Variants in RAB30 observed in about 807,000 individuals in gnomAD.
RAB30 encodes ras-related protein Rab-30.
Under a neutral mutation model 25.1 loss-of-function variants are expected in RAB30, and 9 were observed. That is an observed-to-expected ratio of 0.36 (90% CI 0.22 to 0.63). The LOEUF (loss-of-function observed/expected upper bound fraction) is 0.63, where lower values mean the gene tolerates loss of function less well. Among genes scored for constraint, RAB30 ranks in the 20% least tolerant of loss-of-function variants. The pLI is 0.69. For missense variants in RAB30, 140 were observed against 243.5 expected (o/e 0.58, Z 2.83); for synonymous variants, 77 against 86.4 (o/e 0.89, Z 0.60).
At chr11:83,007,361 A>C (rs895642440) in intron 1 of RAB30, among the ~76,000 whole-genome samples, 3 of 152,220 alleles carry the variant, frequency 2.0e-5, no homozygotes, top group African/African-American at 7.2e-5. Flanking sequence ...TAAAAATGAA[A>C]ATGAAAAATA....
At chr11:83,001,281 T>C (rs1205064969) in intron 1 of RAB30, among the ~76,000 whole-genome samples, 1 of 152,166 alleles carries the variant, frequency 6.6e-6, no homozygotes. Flanking sequence ...GATCAAGTGA[T>C]CCTCCTGCCT....
chr11:83,058,100 A>T (rs1858493231), intron 1 of RAB30, among the ~76,000 whole-genome samples: 1 of 152,218 alleles, frequency 6.6e-6, no homozygotes, highest in African/African-American at 2.4e-5. Flanking sequence ...AGCTTCAAGA[A>T]AACTACTAAT....
rs531745208 is a variant in RAB30, at chr11:83,063,683, G to A, written c.-9+8008C>T. ...AAGAGTTCAGCCCAAGTGGCTAATG[G>A]ACTTGGCAAAGGTATGTAGAGTTAG... is the stretch of plus-strand genomic sequence containing the variant. On this transcript the variant is annotated intron_variant, in intron 1 of 4. Coordinates refer to ENST00000527633, the MANE Select transcript of RAB30 (RefSeq NM_001286060.2). Among the ~76,000 whole-genome samples, 18 of 152,270 alleles carry A rather than the reference G, an allele frequency of 1.2e-4. 2 individuals are homozygous for A. The South Asian group carries it at 3.3e-3, about 28-fold the overall frequency.
intron 1 of RAB30, among the ~76,000 whole-genome samples, chr11:83,042,996 C>T (rs753453977): frequency 1.1e-4 from 16 of 152,116 alleles, no homozygotes; most frequent in African/African-American, 2.7e-4. Context: ...TTATTATTAA[C>T]GGTATTTGGA....
chr11:83,044,506 A>G (rs778382664), intron 1 of RAB30, among the ~76,000 whole-genome samples: 2 of 152,208 alleles, frequency 1.3e-5, no homozygotes, highest in Admixed American at 6.5e-5. Context: ...ACAGTAATCC[A>G]GGTAGGAAGA....
At chr11:83,051,292 G>T (rs1196731925) in intron 1 of RAB30, among the ~76,000 whole-genome samples, 2 of 152,168 alleles carry the variant, frequency 1.3e-5, no homozygotes, top group African/African-American at 2.4e-5. Flanking sequence ...GTACACACAA[G>T]AAATAAACTT....
chr11:83,005,802 C>A (rs1857172201), intron 1 of RAB30, among the ~76,000 whole-genome samples: 2 of 151,750 alleles, frequency 1.3e-5, no homozygotes, highest in African/African-American at 4.8e-5. Flanking sequence ...GAACTGACTG[C>A]AATATATATT....
Position 82,997,248 on chromosome 11 carries a change from C to A in RAB30, c.69G>T (p.Thr23=). The A allele has an allele frequency of 6.2e-7, 1 of 1,612,016 alleles. No homozygotes were observed. The highest frequency in any genetic ancestry group is 1.3e-5 in the African/African-American group (1 of 74,964). Residue 23 remains threonine (T), a synonymous_variant, in exon 2 of 5, where the codon ACG becomes ACT. Transcript: ENST00000527633. The part of the protein sequence containing the change: ...VLIGNAGVGK[T]CLVRRFTQGL... ...CCTGAGTGAATCTTCGGACGAGGCA[C>A]GTCTTCCCCACACCAGCGTTGCCAA...
chr11:83,041,585 T>A (rs1201184780), intron 1 of RAB30: 1 of 158,602 alleles, frequency 6.3e-6, no homozygotes, highest in East Asian at 1.8e-4. Flanking sequence ...CTAGGTCGGC[T>A]TAATTGGTTG....
chr11:82,993,418 T>C (rs974727928), intron 3 of RAB30, among the ~76,000 whole-genome samples: 1 of 152,154 alleles, frequency 6.6e-6, no homozygotes, highest in Non-Finnish European at 1.5e-5. Context: ...AAATATAACA[T>C]ATGTAAAAGC....
At chr11:83,057,040 T>C (rs907988583) in intron 1 of RAB30, among the ~76,000 whole-genome samples, 5 of 152,190 alleles carry the variant, frequency 3.3e-5, no homozygotes, top group South Asian at 4.1e-4. Flanking sequence ...ATTTGTATCA[T>C]TGAATTTGGA....
At chr11:83,022,092 AAT>A (rs1857592276) in intron 1 of RAB30, among the ~76,000 whole-genome samples, 2 of 152,050 alleles carry the variant, frequency 1.3e-5, no homozygotes, top group African/African-American at 4.8e-5. Context: ...GTGTTTCCTA[AAT>A]GCTGGTACCA....
chr11:83,003,963 G>A (rs1857138382), intron 1 of RAB30, among the ~76,000 whole-genome samples: 1 of 152,158 alleles, frequency 6.6e-6, no homozygotes, highest in African/African-American at 2.4e-5. Flanking sequence ...GTAGAGGATA[G>A]CTTCACAGTA....
chr11:83,071,055 A>G (rs1858831142), intron 1 of RAB30, among the ~76,000 whole-genome samples: 1 of 152,264 alleles, frequency 6.6e-6, no homozygotes, highest in Non-Finnish European at 1.5e-5. Flanking sequence ...CGCTGCTTCC[A>G]GCAGCCTGAA....
intron 1 of RAB30, among the ~76,000 whole-genome samples, chr11:83,036,104 G>A (rs537155451): frequency 1.3e-4 from 20 of 151,766 alleles, no homozygotes; most frequent in African/African-American, 4.8e-4. Context: ...GGCAACTAAA[G>A]CCCAGAAAGA....
chr11:82,978,663 G>C lies in RAB30; in HGVS notation c.*3502C>G, dbSNP rs1239526547. ...TGGTGTGGGATCTGGTGGAATTATG[G>C]GCTAGCTTAAAGGGTAATGTGGCAA... On this transcript the variant is annotated 3_prime_UTR_variant, in exon 5 of 5. Coordinates refer to ENST00000527633, the MANE Select transcript of RAB30 (RefSeq NM_001286060.2). 7 of 152,064 alleles carry C rather than the reference G, an allele frequency of 4.6e-5. No homozygotes were observed. In the East Asian group the frequency reaches 1.3e-3, roughly 29 times the overall value. 9.4% of individuals were successfully genotyped at this position (152,064 alleles called of 1,614,324 possible).
intron 1 of RAB30, among the ~76,000 whole-genome samples, chr11:83,054,446 C>G (rs1471848199): frequency 6.6e-6 from 1 of 152,120 alleles, no homozygotes; most frequent in Non-Finnish European, 1.5e-5. Context: ...GTTTTTAGAT[C>G]TGGGAGAAAC....
chr11:83,008,098 G>GA (rs1225593671), intron 1 of RAB30, among the ~76,000 whole-genome samples: 1 of 152,182 alleles, frequency 6.6e-6, no homozygotes, highest in Non-Finnish European at 1.5e-5. Context: ...GGCTGGACCG[G>GA]AAGAACCTTC....
intron 1 of RAB30, among the ~76,000 whole-genome samples, chr11:83,066,252 T>G (rs1429453512): frequency 2.0e-5 from 3 of 152,182 alleles, no homozygotes; most frequent in Non-Finnish European, 4.4e-5. Flanking sequence ...ATGTAGAGAA[T>G]TTTTCATAAA....
Sources: gnomAD v4.1 joint callset for allele counts (sites outside exome capture counted in the v4.1 genomes callset) on GRCh38, gnomAD v4.1.1 for gene constraint, MANE v1.5 for transcripts, NCBI Gene and HGNC (gene_info 2026-07-23, HGNC 2026-07-21) for gene names.